Variants in PSMD4 observed in about 807,000 individuals in gnomAD.
The protein encoded by PSMD4 is 26S proteasome non-ATPase regulatory subunit 4.
In PSMD4, 5 loss-of-function variants were observed where a neutral mutation model predicts 39.7. That is an observed-to-expected ratio of 0.13 (90% CI 0.07 to 0.26). The LOEUF is 0.26. Among genes scored for constraint, PSMD4 ranks in the 10% least tolerant of loss-of-function variants. The pLI is 1.00. For missense variants in PSMD4, 272 were observed against 486.1 expected (o/e 0.56, Z 4.14); for synonymous variants, 143 against 174.6 (o/e 0.82, Z 1.43).
rs150075563 is a variant in PSMD4 at position 151,263,201 on chromosome 1, C to T, written c.168-713C>T. Among the ~76,000 whole-genome samples the T allele has an allele frequency of 1.4e-3, 214 of 152,304 alleles. 2 individuals are homozygous for T. Among genetic ancestry groups the T allele is most frequent in the African/African-American group, 5.0e-3 (207 of 41,568 alleles). On this transcript the variant is annotated intron_variant, in intron 2 of 9. Transcript: ENST00000368884. ...AATAGAGGCCAAGCACAGTGGCTCA[C>T]GCCTGTAATCCCTGCATTCTGGGAG...
chr1:151,265,035 G>A (rs1367985561), intron 4 of PSMD4, 117 bp downstream of exon 4: 31 of 1,312,560 alleles, frequency 2.4e-5, no homozygotes, highest in Non-Finnish European at 3.3e-5. Context: ...AAAGGTGAAT[G>A]TGGAGAATTC....
In PSMD4 at chr1:151,254,803, G is replaced by A. The variant is rs587757656; in HGVS notation, c.21G>A (p.Met7Ile). ...GCAAGATGGTGTTGGAAAGCACTAT[G>A]GTGTGGTGAGGAGCTACTTCGGGGC... MVLEST[M>I]VCVDNSEYMR... Residue 7 changes from methionine to isoleucine, a missense_variant, in exon 1 of 10, where the codon ATG (methionine) becomes ATA (isoleucine). Met to Ile is a conservative substitution (Grantham distance 10). Transcript: ENST00000368884. 2 of 1,542,186 alleles carry A rather than the reference G, an allele frequency of 1.3e-6. No individual in the cohort carries two copies. The highest frequency in any genetic ancestry group is 2.4e-5 in the South Asian group (2 of 81,768).
At chr1:151,256,357 T>A (rs199684499) in intron 1 of PSMD4, among the ~76,000 whole-genome samples, 18,552 of 92,506 alleles carry the variant, frequency 0.2, 2,201 homozygotes, top group Admixed American at 0.26. Context: ...AAAAAAAAAA[T>A]AATAATAAAA....
At chr1:151,264,953 C>T (rs1291933570) in intron 4 of PSMD4, 35 bp downstream of exon 4, 2 of 1,567,668 alleles carry the variant, frequency 1.3e-6, no homozygotes, top group Non-Finnish European at 8.7e-7. Context: ...ATGTGGGGAG[C>T]CCATGTTTGG....
At chr1:151,266,148 G>A in intron 7 of PSMD4, 36 bp downstream of exon 7, 1 of 1,592,780 alleles carries the variant, frequency 6.3e-7, no homozygotes, top group Admixed American at 1.7e-5. Context: ...TGGGACTGCG[G>A]GATGCTAAAC....
At position 151,265,996 on chromosome 1, in the gene PSMD4, T is replaced by G. The variant is rs1244029319; in HGVS notation, c.655-8T>G. 6.3e-7 allele frequency: 1 copy of G among 1,577,504 alleles called. No homozygotes were observed. The highest frequency in any genetic ancestry group is 2.2e-5 in the East Asian group (1 of 44,538). On this transcript the variant is annotated splice_region_variant and splice_polypyrimidine_tract_variant and intron_variant, in intron 6 of 9. Transcript: ENST00000368884. ...GGGGAGCCCTGATTATGCCCTGCCC[T>G]TCACCAGGCCCTTCGTGTATCTATG... is the stretch of plus-strand genomic sequence containing the variant.
intron 4 of PSMD4, 76 bp downstream of exon 4, chr1:151,264,994 T>C: frequency 7.1e-7 from 1 of 1,416,178 alleles, no homozygotes; most frequent in Non-Finnish European, 9.8e-7. Flanking sequence ...CAGGAGAACC[T>C]GGCAGAGGCA....
intron 1 of PSMD4, among the ~76,000 whole-genome samples, chr1:151,256,748 CTT>C (rs781402832): frequency 3.8e-5 from 5 of 130,628 alleles, no homozygotes; most frequent in African/African-American, 2.8e-5. Flanking sequence ...CCTTTGCCCA[CTT>C]TTTTTTTTTT....
rs750710136 is a variant in PSMD4, at chr1:151,267,381, C to G, written c.*38C>G. ...AGGGTAGCTGAGTCTGCTTAGGGGA[C>G]TGCATGGGAAGCACGGAATATAGGG... On this transcript the variant is annotated 3_prime_UTR_variant, in exon 10 of 10. Coordinates refer to ENST00000368884, the MANE Select transcript of PSMD4 (RefSeq NM_002810.4). The G allele has an allele frequency of 7.5e-6, 12 of 1,601,888 alleles. No homozygotes were observed. The highest frequency in any genetic ancestry group is 9.4e-6 in the Non-Finnish European group (11 of 1,170,440).
In PSMD4 at chr1:151,265,995, C is replaced by A; in HGVS notation, c.655-9C>A. On this transcript the variant is annotated splice_polypyrimidine_tract_variant and intron_variant, in intron 6 of 9. Transcript: ENST00000368884. ...AGGGGAGCCCTGATTATGCCCTGCCCTTCACCAGGCCCTTCGTGTATCTAT... is the reference window on the plus strand; with the variant it reads ...AGGGGAGCCCTGATTATGCCCTGCCATTCACCAGGCCCTTCGTGTATCTAT... 1 of 1,576,788 alleles carries A rather than the reference C, an allele frequency of 6.3e-7. No individual in the cohort carries two copies. Among genetic ancestry groups the A allele is most frequent in the Middle Eastern group, 2.1e-4 (1 of 4,776 alleles).
At chr1:151,263,557 G>A (rs888708249) in intron 2 of PSMD4, among the ~76,000 whole-genome samples, 6 of 150,566 alleles carry the variant, frequency 4.0e-5, no homozygotes, top group Non-Finnish European at 8.9e-5. Flanking sequence ...GGCCAGGTGC[G>A]GTGGCTCACG....
chr1:151,260,874 CTCACTCTG>C (rs1433629853), intron 1 of PSMD4, among the ~76,000 whole-genome samples: 1 of 145,168 alleles, frequency 6.9e-6, no homozygotes, highest in African/African-American at 2.6e-5. Context: ...TTGATGGAGT[CTCACTCTG>C]TCACCCAGGC....
chr1:151,266,965 G>T (rs978673104), intron 9 of PSMD4: 1 of 726,220 alleles, frequency 1.4e-6, no homozygotes, highest in East Asian at 2.7e-5. Flanking sequence ...GTTCTCAGCA[G>T]GCCCCTCTAT....
intron 1 of PSMD4, among the ~76,000 whole-genome samples, chr1:151,260,348 C>T (rs1693286836): frequency 6.6e-6 from 1 of 152,204 alleles, no homozygotes; most frequent in Non-Finnish European, 1.5e-5. Context: ...AACTGCATCA[C>T]TTACCTGCCT....
intron 4 of PSMD4, 88 bp downstream of exon 4, chr1:151,265,006 C>A: frequency 7.3e-7 from 1 of 1,371,200 alleles, no homozygotes; most frequent in Non-Finnish European, 1.0e-6. Context: ...GCAGAGGCAT[C>A]AGGCTCATCA....
At position 151,267,467 on chromosome 1, in the gene PSMD4, T is replaced by C; in HGVS notation, c.*124T>C. The C allele has an allele frequency of 3.5e-6, 4 of 1,151,674 alleles. No homozygotes were observed. Among genetic ancestry groups the C allele is most frequent in the Non-Finnish European group, 4.9e-6 (4 of 818,470 alleles). The allele number at this position is 1,151,674 out of a possible 1,614,324, so 71.3% of individuals were successfully genotyped here. Reference sequence around the variant, plus strand: ...ATAAAGCTTGGCAACTTTTTTTCCTTTTTTGCTTCAAATATTGATGGTTTT... The same window carrying C: ...ATAAAGCTTGGCAACTTTTTTTCCTCTTTTGCTTCAAATATTGATGGTTTT... On this transcript the variant is annotated 3_prime_UTR_variant, in exon 10 of 10. Coordinates refer to ENST00000368884, the MANE Select transcript of PSMD4 (RefSeq NM_002810.4).
intron 8 of PSMD4, 22 bp downstream of exon 8, chr1:151,266,461 G>T: frequency 1.2e-6 from 2 of 1,614,226 alleles, no homozygotes; most frequent in Non-Finnish European, 8.5e-7. Context: ...CCTGGGTGGT[G>T]CCTAGGCAGA....
Position 151,256,376 on chromosome 1 carries a change from T to A in PSMD4, c.26+1568T>A, listed in dbSNP as rs896014641. Among the ~76,000 whole-genome samples the A allele has an allele frequency of 9.8e-3, 1,350 of 137,486 alleles. 37 individuals carry two copies. The highest frequency in any genetic ancestry group is 0.036 in the South Asian group (149 of 4,116). The allele number at this position is 137,486 out of a possible 152,430, so 90.2% of individuals were successfully genotyped here. A position where few individuals can be genotyped will look rare whatever the true frequency, so the allele number is the denominator to read the frequency against. ...AAAAAATAATAATAAAATAAATAAA[T>A]AAATAAATAAATAAATAAAAATAAA... On this transcript the variant is annotated intron_variant, in intron 1 of 9. Coordinates refer to ENST00000368884, the MANE Select transcript of PSMD4 (RefSeq NM_002810.4).
At chr1:151,260,661 G>A (rs902399992) in intron 1 of PSMD4, among the ~76,000 whole-genome samples, 1 of 151,790 alleles carries the variant, frequency 6.6e-6, no homozygotes, top group Non-Finnish European at 1.5e-5. Flanking sequence ...TCAGCCACCC[G>A]AATAGCTGGG....
Sources: allele counts gnomAD v4.1 joint callset (sites outside exome capture counted in the v4.1 genomes callset), GRCh38; gene constraint gnomAD v4.1.1; transcripts MANE v1.5; gene names NCBI Gene and HGNC (gene_info 2026-07-23, HGNC 2026-07-21).